The following ARHGEF1 variants were observed in gnomAD, a reference collection of about 807,000 sequenced individuals.
ARHGEF1 encodes 115 kDa guanine nucleotide exchange factor.
ARHGEF1 carries 40 observed loss-of-function variants against 119.7 expected under a neutral mutation model. The ratio of observed to expected loss-of-function variants is 0.33; its 90% CI spans 0.26 to 0.44. The LOEUF (loss-of-function observed/expected upper bound fraction) is 0.44. Among genes scored for constraint, ARHGEF1 ranks in the 20% least tolerant of loss-of-function variants. The pLI is 1.00. For synonymous variants in ARHGEF1, 494 were observed against 521.0 expected, an observed-to-expected ratio of 0.95 and a Z score of 0.71; for missense variants, 976 against 1,268.3, an observed-to-expected ratio of 0.77 and a Z score of 3.50.
At chr19:41,909,957 A>T, downstream of ARHGEF1, 1 of 1,613,878 alleles carries the variant, frequency 6.2e-7, no homozygotes, top group Non-Finnish European at 8.5e-7. This position sits in a 1 kb window ranked among gnomAD's most constrained non-coding sequence, Gnocchi z 5.2. Context: ...TTGATGACGA[A>T]TTCCCCGTAG....
At position 41,902,867 on chromosome 19, in the gene ARHGEF1, C is replaced by G. The variant is rs2145851700; in HGVS notation, c.1707C>G (p.Pro569=). The G allele has an allele frequency of 6.2e-7, 1 of 1,612,910 alleles. No individual in the cohort carries two copies. The highest frequency in any genetic ancestry group is 1.1e-5 in the South Asian group (1 of 91,078). The change falls in exon 18 of 29, where the codon CCC becomes CCG. Residue 569 remains proline, a synonymous_variant. Coordinates refer to ENST00000354532, the MANE Select transcript of ARHGEF1 (RefSeq NM_004706.4). The surrounding 1 kb of genome is among the most constrained non-coding windows in gnomAD (Gnocchi z 6.5). ...AGATGCAGCGGCTGACCAAGTACCC[C>G]CTGCTCCTGCAGAGCATCGGGCAGA... ...PTEMQRLTKY[P]LLLQSIGQNT...
At position 41,903,605 on chromosome 19, in the gene ARHGEF1, C is replaced by A; in HGVS notation, c.1840-102C>A. On this transcript the variant is annotated intron_variant, in intron 19 of 28. Coordinates refer to ENST00000354532, the MANE Select transcript of ARHGEF1 (RefSeq NM_004706.4). This position sits in a 1 kb window ranked among gnomAD's most constrained non-coding sequence, Gnocchi z 4.2. Reference sequence around the variant, plus strand: ...GGTCAGGCCCAACCCTCAGCTTGCCCGCATCAGAAGTTGGTCTTGGCTCTC... The same window carrying A: ...GGTCAGGCCCAACCCTCAGCTTGCCAGCATCAGAAGTTGGTCTTGGCTCTC... The A allele has an allele frequency of 7.6e-7, 1 of 1,314,596 alleles. No individual in the cohort carries two copies. Among genetic ancestry groups the A allele is most frequent in the Non-Finnish European group, 1.1e-6 (1 of 934,518 alleles). The allele number at this position is 1,314,596 out of a possible 1,614,324, so 81.4% of individuals were successfully genotyped here. A position where few individuals can be genotyped will look rare whatever the true frequency, so the allele number is the denominator to read the frequency against.
At position 41,888,665 on chromosome 19, in the gene ARHGEF1, C is replaced by A; in HGVS notation, c.112-87C>A. On this transcript the variant is annotated intron_variant, in intron 3 of 28. Coordinates refer to ENST00000354532, the MANE Select transcript of ARHGEF1 (RefSeq NM_004706.4). The surrounding 1 kb of genome is among the most constrained non-coding windows in gnomAD (Gnocchi z 5.1). ...CCCAGGAGCTAACCCTGGCTTGGAT[C>A]CCTTGTGAAGTGCCAGGAATGGGTA... 3.1e-6 allele frequency: 4 copies of A among 1,285,436 alleles called. No individual in the cohort carries two copies. In the South Asian group the frequency reaches 3.8e-5, roughly 12 times the overall value. 79.6% of individuals were successfully genotyped at this position (1,285,436 alleles called of 1,614,324 possible).
In ARHGEF1 at chr19:41,906,615, C is replaced by G. The variant is rs1555850271; in HGVS notation, c.2650C>G (p.Leu884Val). The G allele has an allele frequency of 6.2e-7, 1 of 1,605,140 alleles. No homozygotes were observed. ...CAGCTTGGAGGAGACCATGAAGCAG[C>G]TGGAGGTGGGGCGGGACGGGCCAGG... The part of the protein sequence containing the change: ...LLSLEETMKQ[L>V]EELEEEFCRL... The change falls in exon 27 of 29, where the codon CTG (leucine) becomes GTG (valine). Residue 884 changes from leucine to valine, a missense_variant. Leu to Val is a conservative substitution (Grantham distance 32, BLOSUM62 1). Coordinates refer to ENST00000354532, the MANE Select transcript of ARHGEF1 (RefSeq NM_004706.4). This position sits in a 1 kb window ranked among gnomAD's most constrained non-coding sequence, Gnocchi z 4.5.
At position 41,902,129 on chromosome 19, in the gene ARHGEF1, C is replaced by A; in HGVS notation, c.1414+96C>A. On this transcript the variant is annotated intron_variant, in intron 15 of 28. Coordinates refer to ENST00000354532, the MANE Select transcript of ARHGEF1 (RefSeq NM_004706.4). The surrounding 1 kb of genome is among the most constrained non-coding windows in gnomAD (Gnocchi z 6.5). ...CAACCTGCTCGGGAACCCCAGGGTT[C>A]ACATGGGGTGGGGGCAGATACGCCA... The A allele has an allele frequency of 1.9e-6, 3 of 1,565,546 alleles. No homozygotes were observed. Among genetic ancestry groups the A allele is most frequent in the Non-Finnish European group, 2.6e-6 (3 of 1,148,206 alleles).
intron 10 of ARHGEF1, 29 bp downstream of exon 10, chr19:41,894,576 C>G (rs1004254327): frequency 1.2e-6 from 2 of 1,613,998 alleles, no homozygotes; most frequent in Non-Finnish European, 1.7e-6. Context: ...CTGCCCTCCC[C>G]TGTCTTCCCC....
rs193183348 is a variant in ARHGEF1 at position 41,891,633 on chromosome 19, C to A, written c.226-392C>A. Among the ~76,000 whole-genome samples, 16 of 152,270 alleles carry A rather than the reference C, an allele frequency of 1.1e-4. No homozygotes were observed. The East Asian group carries it at 2.1e-3, about 20-fold the overall frequency. ...AACTTCTTGAGCTCCGTTTTCTCAT[C>A]TGTAAAATGGGGATAATGACGGTCC... On this transcript the variant is annotated intron_variant, in intron 4 of 28. Transcript: ENST00000354532.
Position 41,903,538 on chromosome 19 carries a change from G to A in ARHGEF1, c.1839+131G>A. ...TCCCTCAAGGGTCACTGTGTCCAGG[G>A]GTTGGCTTGGCCCTCAGCATCTCCC... On this transcript the variant is annotated intron_variant, in intron 19 of 28. Coordinates refer to ENST00000354532, the MANE Select transcript of ARHGEF1 (RefSeq NM_004706.4). This position sits in a 1 kb window ranked among gnomAD's most constrained non-coding sequence, Gnocchi z 4.2. 2 of 1,094,470 alleles carry A rather than the reference G, an allele frequency of 1.8e-6. No individual in the cohort carries two copies. Among genetic ancestry groups the A allele is most frequent in the East Asian group, 2.6e-5 (1 of 38,904 alleles). 67.8% of individuals were successfully genotyped at this position (1,094,470 alleles called of 1,614,324 possible). A position where few individuals can be genotyped will look rare whatever the true frequency, so the allele number is the denominator to read the frequency against.
chr19:41,922,999 G>A, upstream of ARHGEF1: 1 of 376,114 alleles, frequency 2.7e-6, no homozygotes, highest in South Asian at 2.0e-5. Context: ...GGGAATGTGA[G>A]GGGCAGCCTA....
chr19:41,897,190 T>TG (rs782255942), intron 13 of ARHGEF1: 16 of 971,818 alleles, frequency 1.6e-5, no homozygotes, highest in Non-Finnish European at 2.2e-5. Flanking sequence ...CCCTTACAGC[T>TG]GGGGGGCAGG....
At chr19:41,907,030 C>T (rs1555850420) in intron 28 of ARHGEF1, 75 bp from the exon 29 acceptor site, 1 of 1,355,558 alleles carries the variant, frequency 7.4e-7, no homozygotes, top group Non-Finnish European at 9.8e-7. Flanking sequence ...CTCTCCCTGT[C>T]TTGTCTCTGT....
chr19:41,905,313 CG>C lies in ARHGEF1; in HGVS notation c.2336+56del. 6.6e-7 allele frequency: 1 copy of C among 1,520,686 alleles called. No homozygotes were observed. Among genetic ancestry groups the C allele is most frequent in the Admixed American group, 1.9e-5 (1 of 51,740 alleles). 94.2% of individuals were successfully genotyped at this position (1,520,686 alleles called of 1,614,324 possible). A position where few individuals can be genotyped will look rare whatever the true frequency, so the allele number is the denominator to read the frequency against. On this transcript the variant is annotated intron_variant, in intron 24 of 28. Transcript: ENST00000354532. This position sits in a 1 kb window ranked among gnomAD's most constrained non-coding sequence, Gnocchi z 6.4. ...AGGTTCAGGGAGTGGGGCCGGAAGG[CG>C]GGGCAGGCTTCCCTCCACAACTCCA...
Position 41,902,178 on chromosome 19 carries a change from G to C in ARHGEF1, c.1415-96G>C, listed in dbSNP as rs2074614832. 8 of 1,566,740 alleles carry C rather than the reference G, an allele frequency of 5.1e-6. No individual in the cohort carries two copies. Among genetic ancestry groups the C allele is most frequent in the Non-Finnish European group, 7.0e-6 (8 of 1,144,570 alleles). On this transcript the variant is annotated intron_variant, in intron 15 of 28. Coordinates refer to ENST00000354532, the MANE Select transcript of ARHGEF1 (RefSeq NM_004706.4). The surrounding 1 kb of genome is among the most constrained non-coding windows in gnomAD (Gnocchi z 6.5). ...CATCCGGTCCCGAGGATCAGACACA[G>C]ACACACCTGCAGCCCTACCCCCACC...
At chr19:41,914,317 G>A (rs1599673764) in intron 18 of ARHGEF1, among the ~76,000 whole-genome samples, 1 of 147,216 alleles carries the variant, frequency 6.8e-6, no homozygotes. Flanking sequence ...TCTCCCTTCC[G>A]TCTCCCCCCA....
chr19:41,894,121 AGAGTGTGTGTGTGAGTGT>A, intron 8 of ARHGEF1, 68 bp from the exon 9 acceptor site: 1 of 765,880 alleles, frequency 1.3e-6, no homozygotes, highest in Admixed American at 4.3e-5. Flanking sequence ...GGAGAGAGAG[AGAGTGTGTGTGTGAGTGT>A]GTGTGTGTGT....
Position 41,896,472 on chromosome 19 carries a change from G to A in ARHGEF1, c.1111G>A (p.Glu371Lys), listed in dbSNP as rs370619761. ...APPESTDEGAETESPEPGDEG... is the reference protein window; with the variant it reads ...APPESTDEGAKTESPEPGDEG... ...CCCAGAGAGTACCGACGAGGGGGCC[G>A]AAACCGAGAGGTGCCCAGGCTGGGG... The change falls in exon 13 of 29, where the codon GAA (glutamate) becomes AAA (lysine). Residue 371 changes from glutamate (E) to lysine (K), a missense_variant. Glu to Lys is a moderately conservative substitution (Grantham distance 56). This residue lies in a region of ARHGEF1 where 519 missense variants were observed against 580.9 expected (regional missense o/e 0.89). Transcript: ENST00000354532. 5 of 1,485,574 alleles carry A rather than the reference G, an allele frequency of 3.4e-6. No homozygotes were observed. The South Asian group carries it at 4.2e-5, about 13-fold the overall frequency. 92.0% of individuals were successfully genotyped at this position (1,485,574 alleles called of 1,614,324 possible). A position where few individuals can be genotyped will look rare whatever the true frequency, so the allele number is the denominator to read the frequency against.
rs1297231078 is a variant in ARHGEF1, at chr19:41,902,245, G to A, written c.1415-29G>A. 6.2e-7 allele frequency: 1 copy of A among 1,613,240 alleles called. No homozygotes were observed. The highest frequency in any genetic ancestry group is 8.5e-7 in the Non-Finnish European group (1 of 1,179,434). The stretch of plus-strand genomic sequence containing the variant: ...CGCACAGCATCTTCCAGACCCTGGT[G>A]GAGCATCCCTTTCCTCCTGCCCCCA... On this transcript the variant is annotated intron_variant, in intron 15 of 28. Transcript: ENST00000354532. The surrounding 1 kb of genome is among the most constrained non-coding windows in gnomAD (Gnocchi z 6.5).
chr19:41,905,319 A>G lies in ARHGEF1; in HGVS notation c.2336+58A>G. ...AGGGAGTGGGGCCGGAAGGCGGGGC[A>G]GGCTTCCCTCCACAACTCCAGAACC... On this transcript the variant is annotated intron_variant, in intron 24 of 28. Coordinates refer to ENST00000354532, the MANE Select transcript of ARHGEF1 (RefSeq NM_004706.4). The surrounding 1 kb of genome is among the most constrained non-coding windows in gnomAD (Gnocchi z 6.4). 2.0e-6 allele frequency: 3 copies of G among 1,485,224 alleles called. No individual in the cohort carries two copies. The highest frequency in any genetic ancestry group is 2.3e-5 in the East Asian group (1 of 44,078). The allele number at this position is 1,485,224 out of a possible 1,614,324, so 92.0% of individuals were successfully genotyped here. A position where few individuals can be genotyped will look rare whatever the true frequency, so the allele number is the denominator to read the frequency against.
intron 1 of ARHGEF1, chr19:41,923,243 A>T (rs1709376262): frequency 2.2e-6 from 1 of 451,586 alleles, no homozygotes; most frequent in Non-Finnish European, 4.5e-6. Context: ...GGTCAGTATG[A>T]CTCTAGGCCC....
Sources: gnomAD v4.1 joint callset for allele counts (sites outside exome capture counted in the v4.1 genomes callset) on GRCh38, gnomAD v4.1.1 for gene constraint, gnomAD v4.1.1 regional missense constraint, Gnocchi (gnomAD v3.1) non-coding constraint, MANE v1.5 for transcripts, NCBI Gene and HGNC (gene_info 2026-07-23, HGNC 2026-07-21) for gene names.